INPP5A: variants seen among roughly 807,000 people sequenced by gnomAD.
The protein encoded by INPP5A is 43 kDa inositol polyphosphate 5-phophatase.
A neutral mutation model predicts 65.2 loss-of-function variants in INPP5A; 14 were observed. The observed-to-expected ratio is 0.21, with a 90% confidence interval of 0.14 to 0.34. The LOEUF is 0.34. Among genes scored for constraint, INPP5A ranks in the 10% least tolerant of loss-of-function variants. The pLI is 1.00. For synonymous variants in INPP5A, 207 were observed against 208.3 expected (o/e 0.99, Z 0.05); for missense variants, 431 against 545.6 (o/e 0.79, Z 2.09).
intron 13 of INPP5A, among the ~76,000 whole-genome samples, chr10:132,780,471 C>T (rs144394606): frequency 2.1e-3 from 326 of 152,358 alleles, no homozygotes; most frequent in African/African-American, 7.2e-3. Flanking sequence ...AAAGCTGGGG[C>T]GCACACACTC....
chr10:132,701,341 G>A (rs547708741), intron 6 of INPP5A, among the ~76,000 whole-genome samples: 1 of 152,330 alleles, frequency 6.6e-6, no homozygotes, highest in South Asian at 2.1e-4. Flanking sequence ...GGCCACCTCG[G>A]GAGAGCGGAG....
intron 1 of INPP5A, among the ~76,000 whole-genome samples, chr10:132,542,100 C>A (rs1036771626): frequency 6.6e-6 from 1 of 152,250 alleles, no homozygotes; most frequent in Admixed American, 6.5e-5. Flanking sequence ...GCTGTGGCGT[C>A]CCACCCTTGC....
At chr10:132,604,195 A>C (rs1259836050) in intron 1 of INPP5A, among the ~76,000 whole-genome samples, 2 of 90,182 alleles carry the variant, frequency 2.2e-5, no homozygotes, top group South Asian at 4.4e-4. Context: ...TCTCTGGCGT[A>C]CCCTGTGCTG....
At chr10:132,646,326 T>C (rs1040356837) in intron 3 of INPP5A, among the ~76,000 whole-genome samples, 1 of 152,130 alleles carries the variant, frequency 6.6e-6, no homozygotes, top group Non-Finnish European at 1.5e-5. Flanking sequence ...GCAGTCTGTC[T>C]CAAGGAGGTC....
intron 8 of INPP5A, among the ~76,000 whole-genome samples, chr10:132,725,242 G>A (rs934980405): frequency 1.3e-5 from 2 of 152,234 alleles, no homozygotes; most frequent in Non-Finnish European, 2.9e-5. Context: ...ACGCTCCATA[G>A]CCAAAGTGAA....
At chr10:132,739,048 G>A (rs1374787920) in intron 9 of INPP5A, among the ~76,000 whole-genome samples, 6 of 152,166 alleles carry the variant, frequency 3.9e-5, no homozygotes, top group East Asian at 1.9e-4. Flanking sequence ...AAGGGAGGCC[G>A]GCGAAGTGTC....
chr10:132,665,043 C>T (rs183949103), intron 4 of INPP5A, among the ~76,000 whole-genome samples: 169 of 152,334 alleles, frequency 1.1e-3, no homozygotes, highest in African/African-American at 3.8e-3. Context: ...GGCAGCGCCC[C>T]GCCTGTGCAG....
chr10:132,755,264 T>C (rs1035673025), intron 11 of INPP5A, among the ~76,000 whole-genome samples: 1 of 150,584 alleles, frequency 6.6e-6, no homozygotes, highest in Non-Finnish European at 1.5e-5. Context: ...AGCAGGTGTG[T>C]GCATGTGAGC....
chr10:132,697,720 A>G lies in INPP5A; in HGVS notation c.371-96A>G. 1.2e-6 allele frequency: 1 copy of G among 842,810 alleles called. No homozygotes were observed. Among genetic ancestry groups the G allele is most frequent in the Non-Finnish European group, 2.0e-6 (1 of 509,556 alleles). 52.2% of individuals were successfully genotyped at this position (842,810 alleles called of 1,614,324 possible). ...CTCTCGGGGGGCCTCTCTGGCTCCC[A>G]TCGGGCTGAAGTCGGGTGGAAACAG... On this transcript the variant is annotated intron_variant, in intron 5 of 15. Transcript: ENST00000368594. This position sits in a 1 kb window ranked among gnomAD's most constrained non-coding sequence, Gnocchi z 5.6.
rs1057119844 is a variant in INPP5A at position 132,550,999 on chromosome 10, C to G, written c.75+12828C>G. 1.3e-5 allele frequency among the ~76,000 whole-genome samples: 2 copies of G among 152,204 alleles called. No individual in the cohort carries two copies. Among genetic ancestry groups the G allele is most frequent in the African/African-American group, 4.8e-5 (2 of 41,438 alleles). On this transcript the variant is annotated intron_variant, in intron 1 of 15. Transcript: ENST00000368594. The surrounding 1 kb of genome is among the most constrained non-coding windows in gnomAD (Gnocchi z 4.2). ...TGCAGGCCACCTGGAAAGGGGTCCA[C>G]CTGAAAGGGGCTGCACTGTGGTCCA...
intron 7 of INPP5A, among the ~76,000 whole-genome samples, 176 bp from the exon 8 acceptor site, chr10:132,710,161 T>G (rs931968314): frequency 1.3e-5 from 2 of 152,284 alleles, no homozygotes; most frequent in Admixed American, 6.5e-5. Flanking sequence ...CACTGGAGGT[T>G]TCCTGACCTC....
intron 3 of INPP5A, among the ~76,000 whole-genome samples, chr10:132,649,081 T>C (rs543362785): frequency 2.0e-5 from 3 of 152,360 alleles, no homozygotes; most frequent in Non-Finnish European, 4.4e-5. Flanking sequence ...TCATTTTCCC[T>C]GTGTTTCGGT....
At chr10:132,712,680 G>A (rs529377493) in intron 8 of INPP5A, among the ~76,000 whole-genome samples, 52 of 150,808 alleles carry the variant, frequency 3.4e-4, no homozygotes, top group African/African-American at 1.2e-3. Context: ...GTGGGTGCAT[G>A]TGAGTGGGTA....
chr10:132,772,995 G>T (rs944451601), intron 12 of INPP5A, among the ~76,000 whole-genome samples: 1 of 152,244 alleles, frequency 6.6e-6, no homozygotes, highest in South Asian at 2.1e-4. Context: ...GTTTAAAGCC[G>T]GGTTGCACAG....
chr10:132,643,010 G>A (rs999398597), intron 2 of INPP5A, among the ~76,000 whole-genome samples: 1 of 152,200 alleles, frequency 6.6e-6, no homozygotes, highest in Non-Finnish European at 1.5e-5. Context: ...GACTTTAAAT[G>A]AATGTCACGG....
At chr10:132,599,095 C>T (rs2071745814) in intron 1 of INPP5A, among the ~76,000 whole-genome samples, 1 of 152,162 alleles carries the variant, frequency 6.6e-6, no homozygotes, top group South Asian at 2.1e-4. Context: ...AACCTCATGT[C>T]CTCACATTTC....
rs1438199764 is a variant in INPP5A at position 132,551,997 on chromosome 10, G to A, written c.75+13826G>A. On this transcript the variant is annotated intron_variant, in intron 1 of 15. Coordinates refer to ENST00000368594, the MANE Select transcript of INPP5A (RefSeq NM_005539.5). This position sits in a 1 kb window ranked among gnomAD's most constrained non-coding sequence, Gnocchi z 5.3. The stretch of plus-strand genomic sequence containing the variant: ...TCTGTTGGTGGAGCAGGAGGCCCAA[G>A]GACCAGGAGAGCTTCTGTGTGAGGC... 6.6e-6 allele frequency among the ~76,000 whole-genome samples: 1 copy of A among 152,256 alleles called. No homozygotes were observed. Among genetic ancestry groups the A allele is most frequent in the Non-Finnish European group, 1.5e-5 (1 of 68,046 alleles).
At chr10:132,661,292 A>G (rs924515263) in intron 4 of INPP5A, among the ~76,000 whole-genome samples, 5 of 152,256 alleles carry the variant, frequency 3.3e-5, no homozygotes, top group Non-Finnish European at 5.9e-5. Flanking sequence ...AAGTGCTTTC[A>G]TGAATAGTCA....
Position 132,538,168 on chromosome 10 carries a change from C to G in INPP5A, c.72C>G (p.Asp24Glu). 7.8e-7 allele frequency: 1 copy of G among 1,278,626 alleles called. No homozygotes were observed. The highest frequency in any genetic ancestry group is 9.9e-7 in the Non-Finnish European group (1 of 1,008,938). The allele number at this position is 1,278,626 out of a possible 1,614,324, so 79.2% of individuals were successfully genotyped here. The change falls in exon 1 of 16, where the codon GAC becomes GAG. Residue 24 changes from aspartate to glutamate, a missense_variant. Physicochemically the swap from Asp to Glu is conservative, Grantham distance 45. Transcript: ENST00000368594. This position sits in a 1 kb window ranked among gnomAD's most constrained non-coding sequence, Gnocchi z 4.1. ...CGGCCAACGTGGGCTCGCTCTTCGACGACGTAAGTCCCCCGTGCCGGCGGC... is the reference window on the plus strand; with the variant it reads ...CGGCCAACGTGGGCTCGCTCTTCGAGGACGTAAGTCCCCCGTGCCGGCGGC... Reference protein sequence around the residue: ...LVTANVGSLFDDPENLQKNWL... With the variant: ...LVTANVGSLFEDPENLQKNWL...
Sources: allele counts gnomAD v4.1 joint callset (sites outside exome capture counted in the v4.1 genomes callset), GRCh38; gene constraint gnomAD v4.1.1; non-coding constraint Gnocchi (gnomAD v3.1); transcripts MANE v1.5; gene names NCBI Gene and HGNC (gene_info 2026-07-23, HGNC 2026-07-21).